The following ANKRD33B variants were observed in gnomAD, a reference collection of about 807,000 sequenced individuals.
The protein encoded by ANKRD33B is ankyrin repeat domain 33B, also known as ankyrin repeat domain-containing protein 33B.
A neutral mutation model predicts 21.5 loss-of-function variants in ANKRD33B; 6 were observed. The observed-to-expected ratio is 0.28, with a 90% CI of 0.15 to 0.55. ANKRD33B has a LOEUF of 0.55. Among genes scored for constraint, ANKRD33B ranks in the 20% least tolerant of loss-of-function variants. The pLI, the probability that ANKRD33B is intolerant of heterozygous loss-of-function variation, is 0.94. For synonymous variants in ANKRD33B, 347 were observed against 342.4 expected (o/e 1.01, Z -0.15); for missense variants, 698 against 747.2 (o/e 0.93, Z 0.77).
chr5:10,640,653 T>C (rs537113346), intron 3 of ANKRD33B, among the ~76,000 whole-genome samples: 297 of 152,374 alleles, frequency 1.9e-3, no homozygotes, highest in Admixed American at 4.3e-3. Flanking sequence ...TTTTAATTTC[T>C]CTTTATTTTT....
chr5:10,579,129 A>G (rs1735384462), intron 1 of ANKRD33B, among the ~76,000 whole-genome samples: 1 of 149,246 alleles, frequency 6.7e-6, no homozygotes, highest in Admixed American at 6.8e-5. Context: ...GCGCCACTGC[A>G]CTCTAGTCTG....
At chr5:10,626,998 A>T (rs934832654) in intron 2 of ANKRD33B, among the ~76,000 whole-genome samples, 2 of 152,230 alleles carry the variant, frequency 1.3e-5, no homozygotes, top group Admixed American at 6.5e-5. Flanking sequence ...TCTGGAGGAC[A>T]CAGCATTTAT....
At chr5:10,586,175 C>T (rs1042362794) in intron 1 of ANKRD33B, among the ~76,000 whole-genome samples, 2 of 151,642 alleles carry the variant, frequency 1.3e-5, no homozygotes, top group African/African-American at 4.9e-5. Flanking sequence ...GAATTTGTTC[C>T]AGGACTCCCC....
At chr5:10,630,120 A>C (rs775356303) in intron 2 of ANKRD33B, among the ~76,000 whole-genome samples, 2 of 152,210 alleles carry the variant, frequency 1.3e-5, no homozygotes, top group Admixed American at 1.3e-4. Flanking sequence ...TTGAGCATGC[A>C]TGTCAGCTAG....
intron 1 of ANKRD33B, among the ~76,000 whole-genome samples, chr5:10,590,603 CGCGCGTGTGT>C (rs776889851): frequency 5.3e-5 from 5 of 94,476 alleles, no homozygotes; most frequent in East Asian, 2.5e-4. Context: ...CGCGCGCGCG[CGCGCGTGTGT>C]GTGTGTGTGT....
Position 10,607,723 on chromosome 5 carries a change from G to A in ANKRD33B, c.367-10610G>A, listed in dbSNP as rs539904431. 3.3e-5 allele frequency among the ~76,000 whole-genome samples: 5 copies of A among 152,356 alleles called. No homozygotes were observed. In the South Asian group the frequency reaches 1.0e-3, roughly 32 times the overall value. ...TGATAAGTGGAAGAGAATAGAGAGTGTTGTCAGGGACATTTTTGAGGAATA... is the reference window on the plus strand; with the variant it reads ...TGATAAGTGGAAGAGAATAGAGAGTATTGTCAGGGACATTTTTGAGGAATA... On this transcript the variant is annotated intron_variant, in intron 1 of 3. Transcript: ENST00000296657.
rs5865896 is a variant in ANKRD33B, at chr5:10,582,989, C to CTT, written c.366+18171_366+18172dup. Among the ~76,000 whole-genome samples the CTT allele has an allele frequency of 1.2e-4, 17 of 138,522 alleles. No individual in the cohort carries two copies. The South Asian group carries it at 3.2e-3, about 26-fold the overall frequency. 90.9% of individuals were successfully genotyped at this position (138,522 alleles called of 152,430 possible). A position where few individuals can be genotyped will look rare whatever the true frequency, so the allele number is the denominator to read the frequency against. ...CATGGTTGGTGGATGATTGTCCCTG[C>CTT]TTTTTTTTTTTTTTTTCTTGTTTTT... is the stretch of plus-strand genomic sequence containing the variant. On this transcript the variant is annotated intron_variant, in intron 1 of 3. Coordinates refer to ENST00000296657, the MANE Select transcript of ANKRD33B (RefSeq NM_001164440.2).
rs140007745 is a variant in ANKRD33B at position 10,598,547 on chromosome 5, G to A, written c.367-19786G>A. ...CTCCCAAAGTGCTGGGATTATAGGCGTGAGTCACTGTGTCTGGCCATGATT... is the reference window on the plus strand; with the variant it reads ...CTCCCAAAGTGCTGGGATTATAGGCATGAGTCACTGTGTCTGGCCATGATT... On this transcript the variant is annotated intron_variant, in intron 1 of 3. Transcript: ENST00000296657. Among the ~76,000 whole-genome samples the A allele has an allele frequency of 6.5e-3, 992 of 152,224 alleles. 10 individuals are homozygous for A. Among genetic ancestry groups the A allele is most frequent in the African/African-American group, 0.022 (934 of 41,520 alleles).
At chr5:10,645,570 G>A (rs2126607783) in intron 3 of ANKRD33B, among the ~76,000 whole-genome samples, 1 of 152,326 alleles carries the variant, frequency 6.6e-6, no homozygotes, top group East Asian at 1.9e-4. Context: ...GAAGTCTGAG[G>A]TTGGCAGTCA....
At chr5:10,565,127 C>T (rs1264590084) in intron 1 of ANKRD33B, among the ~76,000 whole-genome samples, 1 of 152,254 alleles carries the variant, frequency 6.6e-6, no homozygotes, top group Non-Finnish European at 1.5e-5. Context: ...CGTGGACCTC[C>T]TGACTGAATT....
intron 2 of ANKRD33B, among the ~76,000 whole-genome samples, chr5:10,637,312 G>T (rs1162587686): frequency 1.3e-5 from 2 of 152,142 alleles, no homozygotes; most frequent in Admixed American, 6.6e-5. Context: ...GAGGTGCAAG[G>T]TGAGAAAGGG....
chr5:10,601,501 T>C (rs1470810339), intron 1 of ANKRD33B, among the ~76,000 whole-genome samples: 1 of 152,212 alleles, frequency 6.6e-6, no homozygotes, highest in Admixed American at 6.5e-5. Context: ...TTGCCAGTCA[T>C]CTGTGCTCCC....
chr5:10,566,040 A>G (rs751815617), intron 1 of ANKRD33B, among the ~76,000 whole-genome samples: 7 of 152,144 alleles, frequency 4.6e-5, no homozygotes, highest in Non-Finnish European at 1.0e-4. Context: ...CTCCCCTTGT[A>G]CTACATTGCC....
chr5:10,635,788 A>G (rs1736843968), intron 2 of ANKRD33B, among the ~76,000 whole-genome samples: 2 of 152,228 alleles, frequency 1.3e-5, no homozygotes, highest in Non-Finnish European at 2.9e-5. Context: ...CCCCGGCAGT[A>G]CTATCCCTCA....
intron 2 of ANKRD33B, among the ~76,000 whole-genome samples, 174 bp downstream of exon 2, chr5:10,618,636 A>G (rs993665912): frequency 6.6e-6 from 1 of 152,184 alleles, no homozygotes; most frequent in African/African-American, 2.4e-5. Context: ...GCATTTACCC[A>G]CTTGTTCAGA....
intron 2 of ANKRD33B, among the ~76,000 whole-genome samples, chr5:10,632,757 A>G (rs55784647): frequency 0.42 from 64,355 of 152,066 alleles, 13,848 homozygotes; most frequent in Middle Eastern, 0.55. Flanking sequence ...GAACGGCTCT[A>G]TGCTAGTTTC....
Position 10,649,376 on chromosome 5 carries a change from C to G in ANKRD33B, c.748C>G (p.Pro250Ala). 1 of 1,535,524 alleles carries G rather than the reference C, an allele frequency of 6.5e-7. No homozygotes were observed. Among genetic ancestry groups the G allele is most frequent in the Non-Finnish European group, 8.7e-7 (1 of 1,146,716 alleles). Residue 250 changes from proline (P) to alanine (A), a missense_variant, in exon 4 of 4, where the codon CCC becomes GCC. Coordinates refer to ENST00000296657, the MANE Select transcript of ANKRD33B (RefSeq NM_001164440.2). The part of the protein sequence containing the change: ...VRLMQRLLER[P>A]CPEQFWEKYR... ...TCTCATGCAGAGGCTGCTGGAGCGC[C>G]CCTGCCCGGAGCAGTTCTGGGAGAA...
rs533831828 is a variant in ANKRD33B, at chr5:10,619,708, C to T, written c.496+1246C>T. 6.6e-6 allele frequency among the ~76,000 whole-genome samples: 1 copy of T among 152,300 alleles called. No homozygotes were observed. Among genetic ancestry groups the T allele is most frequent in the South Asian group, 2.1e-4 (1 of 4,826 alleles). On this transcript the variant is annotated intron_variant, in intron 2 of 3. Transcript: ENST00000296657. This position sits in a 1 kb window ranked among gnomAD's most constrained non-coding sequence, Gnocchi z 4.5. ...AGGGTTCCAGGCTTTGAAAACCTAG[C>T]AAGAGTGTGAAAGGGCTTTGTAAGG...
Position 10,638,008 on chromosome 5 carries a change from G to C in ANKRD33B, c.497-20G>C, listed in dbSNP as rs757612240. On this transcript the variant is annotated intron_variant, in intron 2 of 3. Transcript: ENST00000296657. ...TTTGTGGAAGTGGGAACCAATACAC[G>C]TGTACACTTCTCTTTACAGGGCACG... 4 of 1,536,374 alleles carry C rather than the reference G, an allele frequency of 2.6e-6. No homozygotes were observed. In the African/African-American group the frequency reaches 5.5e-5, roughly 21 times the overall value.
Sources: gnomAD v4.1 joint callset for allele counts (sites outside exome capture counted in the v4.1 genomes callset) on GRCh38, gnomAD v4.1.1 for gene constraint, Gnocchi (gnomAD v3.1) non-coding constraint, MANE v1.5 for transcripts, NCBI Gene and HGNC (gene_info 2026-07-23, HGNC 2026-07-21) for gene names.